The following STAG1 variants were observed in gnomAD, a reference collection of about 807,000 sequenced individuals.
STAG1 encodes the protein STAG1 cohesin complex component.
Under a neutral mutation model 170.9 loss-of-function variants are expected in STAG1, and 26 were observed. The observed-to-expected ratio is 0.15, with a 90% CI of 0.11 to 0.21. The LOEUF is 0.21. STAG1 is among the 10% of genes least tolerant of loss of function. The pLI is 1.00. For synonymous variants in STAG1, 514 were observed against 497.7 expected (o/e 1.03, Z -0.44); for missense variants, 964 against 1,509.5 (o/e 0.64, Z 5.99).
intron 4 of STAG1, among the ~76,000 whole-genome samples, chr3:136,593,086 A>G (rs533944705): frequency 6.6e-6 from 1 of 152,264 alleles, no homozygotes; most frequent in East Asian, 1.9e-4. Flanking sequence ...GCCTTTAAAT[A>G]TCCTTTCTGC....
chr3:136,618,209 AT>A (rs1163984297), intron 3 of STAG1, among the ~76,000 whole-genome samples: 1 of 151,758 alleles, frequency 6.6e-6, no homozygotes, highest in Non-Finnish European at 1.5e-5. Flanking sequence ...TGTCATAACC[AT>A]TTTTCCCACC....
chr3:136,394,214 A>G (rs968334280), intron 22 of STAG1, among the ~76,000 whole-genome samples: 10 of 152,174 alleles, frequency 6.6e-5, no homozygotes, highest in Admixed American at 2.6e-4. Flanking sequence ...CTGAAACATG[A>G]ATTTTTAAAG....
intron 3 of STAG1, among the ~76,000 whole-genome samples, chr3:136,610,294 C>T (rs1328451939): frequency 1.3e-5 from 2 of 152,258 alleles, no homozygotes; most frequent in East Asian, 1.9e-4. Flanking sequence ...CTCAGCCTTC[C>T]AAAGTGCTGG....
intron 10 of STAG1, among the ~76,000 whole-genome samples, chr3:136,476,819 T>C (rs957319652): frequency 2.6e-5 from 4 of 152,176 alleles, no homozygotes; most frequent in African/African-American, 2.4e-5. Context: ...GGATTACTTA[T>C]ATGAGGGATT....
chr3:136,676,241 C>T (rs1015620060), intron 1 of STAG1, among the ~76,000 whole-genome samples: 1 of 152,168 alleles, frequency 6.6e-6, no homozygotes, highest in Non-Finnish European at 1.5e-5. Flanking sequence ...AGGCCTAAGA[C>T]ATTACTGTCC....
intron 29 of STAG1, among the ~76,000 whole-genome samples, chr3:136,346,268 G>A (rs575248533): frequency 8.5e-5 from 13 of 152,252 alleles, no homozygotes; most frequent in Admixed American, 5.2e-4. Flanking sequence ...TTAGGAAGGC[G>A]CTTGGTAGAA....
At chr3:136,407,352 G>A (rs2087512804) in intron 21 of STAG1, among the ~76,000 whole-genome samples, 1 of 152,112 alleles carries the variant, frequency 6.6e-6, no homozygotes, top group African/African-American at 2.4e-5. Flanking sequence ...ATACTTTTCA[G>A]CATACAGATC....
chr3:136,423,748 A>C (rs562200666), intron 16 of STAG1, among the ~76,000 whole-genome samples: 14 of 152,362 alleles, frequency 9.2e-5, no homozygotes, highest in Admixed American at 9.1e-4. Context: ...AAATGGTTTT[A>C]CGGAACAGAA....
At chr3:136,397,642 T>C (rs748729415) in intron 22 of STAG1, among the ~76,000 whole-genome samples, 30 of 152,114 alleles carry the variant, frequency 2.0e-4, no homozygotes, top group East Asian at 7.7e-4. Context: ...AGTTCACCCC[T>C]GTGGTAAGAG....
At chr3:136,670,818 A>G (rs1375473186) in intron 1 of STAG1, among the ~76,000 whole-genome samples, 3 of 152,086 alleles carry the variant, frequency 2.0e-5, no homozygotes, top group Admixed American at 6.6e-5. Context: ...AAAATCATCT[A>G]TATTAACACA....
intron 5 of STAG1, among the ~76,000 whole-genome samples, chr3:136,565,143 A>G (rs1332143087): frequency 6.6e-6 from 1 of 151,156 alleles, no homozygotes; most frequent in Non-Finnish European, 1.5e-5. Flanking sequence ...GGGAAGAGAA[A>G]GGAAAGAGAA....
chr3:136,564,865 C>G (rs1028129924), intron 5 of STAG1, among the ~76,000 whole-genome samples: 9 of 151,466 alleles, frequency 5.9e-5, no homozygotes, highest in Non-Finnish European at 1.2e-4. Flanking sequence ...TAAAATCCAG[C>G]CTCCAGATTT....
intron 29 of STAG1, among the ~76,000 whole-genome samples, chr3:136,346,264 A>G (rs1936217235): frequency 6.6e-6 from 1 of 152,258 alleles, no homozygotes. Flanking sequence ...GTTCTTAGGA[A>G]GGCGCTTGGT....
chr3:136,621,607 C>T lies in STAG1; in HGVS notation c.132+1539G>A, dbSNP rs558326163. ...AAGTTACTATACTGCATGTCTTCCC[C>T]CATTATTTTTTTCCTTTAAATAAAA... On this transcript the variant is annotated intron_variant, in intron 3 of 33. Coordinates refer to ENST00000383202, the MANE Select transcript of STAG1 (RefSeq NM_005862.3). Among the ~76,000 whole-genome samples, 101 of 152,210 alleles carry T rather than the reference C, an allele frequency of 6.6e-4. 2 individuals carry two copies. The highest frequency in any genetic ancestry group is 1.2e-3 in the Admixed American group (18 of 15,280).
intron 6 of STAG1, among the ~76,000 whole-genome samples, chr3:136,523,596 T>G (rs1304776469): frequency 6.6e-6 from 1 of 152,218 alleles, no homozygotes; most frequent in African/African-American, 2.4e-5. Flanking sequence ...CTCTTTAGTT[T>G]AATTAGATCC....
chr3:136,507,977 G>C (rs1355635327), intron 7 of STAG1, among the ~76,000 whole-genome samples: 1 of 152,136 alleles, frequency 6.6e-6, no homozygotes, highest in Non-Finnish European at 1.5e-5. Context: ...CAATAAGAAG[G>C]TAACTGCTGA....
At chr3:136,465,558 C>CAAAAAAAAAAAAA (rs11364802) in intron 12 of STAG1, among the ~76,000 whole-genome samples, 1 of 48,220 alleles carries the variant, frequency 2.1e-5, no homozygotes. Context: ...ACTCTTGCCT[C>CAAAAAAAAAAAAA]AAAAAAAAAA....
At chr3:136,435,248 TG>T (rs2088424340) in intron 15 of STAG1, among the ~76,000 whole-genome samples, 1 of 152,360 alleles carries the variant, frequency 6.6e-6, no homozygotes, top group East Asian at 1.9e-4. Context: ...CGATCATAAG[TG>T]GCTTATATGT....
In STAG1 at chr3:136,675,391, A is replaced by C. The variant is rs1221154668; in HGVS notation, c.-83-44410T>G. ...TAGAGACATCTGTCCTGATACCACC[A>C]CGCCAGTGAATCAATACCAGCAACA... is the stretch of plus-strand genomic sequence containing the variant. On this transcript the variant is annotated intron_variant, in intron 1 of 33. Coordinates refer to ENST00000383202, the MANE Select transcript of STAG1 (RefSeq NM_005862.3). 2.0e-5 allele frequency among the ~76,000 whole-genome samples: 3 copies of C among 152,132 alleles called. No homozygotes were observed. The East Asian group carries it at 5.8e-4, about 29-fold the overall frequency.
Sources: allele counts gnomAD v4.1 joint callset (sites outside exome capture counted in the v4.1 genomes callset), GRCh38; gene constraint gnomAD v4.1.1; transcripts MANE v1.5; gene names NCBI Gene and HGNC (gene_info 2026-07-23, HGNC 2026-07-21).